Variants in GABRG3 observed in about 807,000 individuals in gnomAD.
GABRG3 encodes the protein gamma-aminobutyric acid type A receptor subunit gamma3.
In GABRG3, 25 loss-of-function variants were observed where a neutral mutation model predicts 48.8. The observed-to-expected ratio is 0.51, with a 90% CI of 0.37 to 0.72. The LOEUF (loss-of-function observed/expected upper bound fraction) is 0.72. Among genes scored for constraint, GABRG3 ranks in the 30% least tolerant of loss-of-function variants. The pLI is 0.00. For missense variants in GABRG3, 394 were observed against 577.9 expected (o/e 0.68, Z 3.26); for synonymous variants, 227 against 217.6 (o/e 1.04, Z -0.38).
chr15:27,541,004 GGAGAAAGAGAGGACAGAGGGAGAGA>G lies in GABRG3; in HGVS notation c.*8131_*8155del, dbSNP rs1262161840. 6.6e-6 allele frequency: 1 copy of G among 152,230 alleles called. No individual in the cohort carries two copies. The highest frequency in any genetic ancestry group is 2.4e-5 in the African/African-American group (1 of 41,444). 9.4% of individuals were successfully genotyped at this position (152,230 alleles called of 1,614,324 possible). A position where few individuals can be genotyped will look rare whatever the true frequency, so the allele number is the denominator to read the frequency against. ...TAGGATAAAAAGGAGCAAGGGAGAG[GGAGAAAGAGAGGACAGAGGGAGAGA>G]GAGAAAGTGGCAATCTGTACATTTC... On this transcript the variant is annotated 3_prime_UTR_variant, in exon 10 of 10. Transcript: ENST00000615808.
At chr15:27,423,721 CTTTTTTTTTTTTT>C (rs542775399) in intron 5 of GABRG3, among the ~76,000 whole-genome samples, 13 of 81,788 alleles carry the variant, frequency 1.6e-4, no homozygotes, top group Non-Finnish European at 2.3e-4. Flanking sequence ...TTTTCTTTTC[CTTTTTTTTTTTTT>C]TTTTTTTTTT....
chr15:27,286,577 A>G (rs1891619937), intron 3 of GABRG3, among the ~76,000 whole-genome samples: 2 of 148,054 alleles, frequency 1.4e-5, no homozygotes, highest in South Asian at 4.1e-4. Flanking sequence ...CAATAATTAG[A>G]GAAATCAAAT....
chr15:27,045,775 T>A (rs1261980555), intron 3 of GABRG3, among the ~76,000 whole-genome samples: 1 of 152,228 alleles, frequency 6.6e-6, no homozygotes, highest in Admixed American at 6.5e-5. Flanking sequence ...GGGAACCAAG[T>A]GCAGTGAGAC....
chr15:27,424,013 T>C (rs562941005), intron 5 of GABRG3, among the ~76,000 whole-genome samples: 15 of 152,274 alleles, frequency 9.9e-5, no homozygotes, highest in Non-Finnish European at 1.9e-4. Flanking sequence ...CAACTTACTA[T>C]GCTAGTATAT....
At chr15:27,234,891 A>G (rs559788829) in intron 3 of GABRG3, among the ~76,000 whole-genome samples, 1 of 152,144 alleles carries the variant, frequency 6.6e-6, no homozygotes, top group Non-Finnish European at 1.5e-5. Context: ...GGGCTCCTGC[A>G]GCAGCTGAGG....
Position 27,388,080 on chromosome 15 carries a change from AG to A in GABRG3, c.574+59194del, listed in dbSNP as rs1337242642. ...GGGAGGGAGGGTAAGGAAGGAAGGA[AG>A]GAAAGGAGGGAGGAAAGGGAGGGAG... On this transcript the variant is annotated intron_variant, in intron 5 of 9. Coordinates refer to ENST00000615808, the MANE Select transcript of GABRG3 (RefSeq NM_033223.5). Among the ~76,000 whole-genome samples the A allele has an allele frequency of 3.7e-3, 334 of 91,112 alleles. 1 individual carries two copies. Among genetic ancestry groups the A allele is most frequent in the Middle Eastern group, 8.3e-3 (1 of 120 alleles). 59.8% of individuals were successfully genotyped at this position (91,112 alleles called of 152,430 possible). A position where few individuals can be genotyped will look rare whatever the true frequency, so the allele number is the denominator to read the frequency against.
chr15:27,365,325 AC>A (rs1595706824), intron 5 of GABRG3: 2 of 85,550 alleles, frequency 2.3e-5, no homozygotes, highest in East Asian at 4.2e-4. Flanking sequence ...ACACACACAC[AC>A]ACACACACAC....
intron 5 of GABRG3, among the ~76,000 whole-genome samples, chr15:27,423,071 C>A (rs1374190969): frequency 6.6e-6 from 1 of 151,886 alleles, no homozygotes; most frequent in Non-Finnish European, 1.5e-5. Context: ...GGGCTGGCCA[C>A]AGAGACACAT....
intron 5 of GABRG3, among the ~76,000 whole-genome samples, chr15:27,337,078 A>G (rs1485282138): frequency 6.6e-6 from 1 of 152,226 alleles, no homozygotes; most frequent in Admixed American, 6.5e-5. Flanking sequence ...TATTATTAAA[A>G]TGACAGTACT....
chr15:27,204,407 A>G (rs550881463), intron 3 of GABRG3, among the ~76,000 whole-genome samples: 99 of 151,786 alleles, frequency 6.5e-4, no homozygotes, highest in Non-Finnish European at 1.2e-3. Flanking sequence ...ATTGGTCTGT[A>G]TGTTTTTGTA....
At chr15:27,350,885 T>TGGGG (rs1490504755) in intron 5 of GABRG3, among the ~76,000 whole-genome samples, 5 of 15,606 alleles carry the variant, frequency 3.2e-4, no homozygotes, top group South Asian at 4.7e-3. Flanking sequence ...ATGGTGTGTG[T>TGGGG]GTGTCGTGTG....
intron 2 of GABRG3, among the ~76,000 whole-genome samples, chr15:27,017,055 C>G (rs552045001): frequency 2.3e-4 from 35 of 152,202 alleles, no homozygotes; most frequent in Admixed American, 5.9e-4. Flanking sequence ...ATCCTTACGA[C>G]AGTTATTTTG....
intron 5 of GABRG3, among the ~76,000 whole-genome samples, chr15:27,381,424 G>A (rs1895773610): frequency 1.3e-5 from 2 of 152,142 alleles, no homozygotes; most frequent in Admixed American, 1.3e-4. Context: ...GAAAGTAGGG[G>A]GACTCCCCCA....
intron 6 of GABRG3, among the ~76,000 whole-genome samples, chr15:27,512,246 T>C (rs898268130): frequency 2.0e-5 from 3 of 151,750 alleles, no homozygotes; most frequent in South Asian, 4.2e-4. Flanking sequence ...ATTATTATTA[T>C]TACAATAATC....
intron 5 of GABRG3, among the ~76,000 whole-genome samples, chr15:27,461,477 T>C (rs1268402876): frequency 6.6e-6 from 1 of 152,158 alleles, no homozygotes; most frequent in African/African-American, 2.4e-5. Flanking sequence ...TTAAAGATAG[T>C]GCCCACCCAA....
At chr15:27,435,630 T>G (rs575494892) in intron 5 of GABRG3, among the ~76,000 whole-genome samples, 13 of 152,258 alleles carry the variant, frequency 8.5e-5, no homozygotes, top group African/African-American at 3.1e-4. Context: ...ACTTTAAATA[T>G]TAAAATATTT....
intron 3 of GABRG3, among the ~76,000 whole-genome samples, chr15:27,154,072 T>A (rs1409821274): frequency 2.0e-5 from 3 of 152,180 alleles, no homozygotes; most frequent in Non-Finnish European, 2.9e-5. Flanking sequence ...TAACAGGAAC[T>A]CCAAATTCTT....
intron 6 of GABRG3, among the ~76,000 whole-genome samples, chr15:27,505,840 A>C (rs1054495139): frequency 6.6e-6 from 1 of 152,124 alleles, no homozygotes; most frequent in Non-Finnish European, 1.5e-5. Flanking sequence ...AATTGGTGCT[A>C]TTTCTTTCTT....
At chr15:27,003,157 T>G (rs1197192465) in intron 2 of GABRG3, among the ~76,000 whole-genome samples, 2 of 150,578 alleles carry the variant, frequency 1.3e-5, no homozygotes, top group East Asian at 3.9e-4. Context: ...AAATAGTTTT[T>G]ATTTTTTTAT....
Sources: gnomAD v4.1 joint callset for allele counts (sites outside exome capture counted in the v4.1 genomes callset) on GRCh38, gnomAD v4.1.1 for gene constraint, MANE v1.5 for transcripts, NCBI Gene and HGNC (gene_info 2026-07-23, HGNC 2026-07-21) for gene names.